The following FBXL18 variants were observed in gnomAD, a reference collection of about 807,000 sequenced individuals.
FBXL18 encodes the protein F-box/LRR-repeat protein 18.
FBXL18 carries 36 observed loss-of-function variants against 46.0 expected under a neutral mutation model. The ratio of observed to expected loss-of-function variants is 0.78; its 90% confidence interval spans 0.60 to 1.03. The LOEUF (loss-of-function observed/expected upper bound fraction) is 1.03. Ranked by LOEUF, FBXL18 falls within the 50% of genes least tolerant of loss-of-function variation. The pLI, the probability that FBXL18 is intolerant of heterozygous loss-of-function variation, is 0.00. For missense variants in FBXL18, 977 were observed against 1,004.1 expected (o/e 0.97, Z 0.36); for synonymous variants, 557 against 465.3 (o/e 1.20, Z -2.54).
At chr7:5,497,242 G>T (rs954346992) in intron 3 of FBXL18, among the ~76,000 whole-genome samples, 7 of 152,024 alleles carry the variant, frequency 4.6e-5, no homozygotes, top group African/African-American at 1.4e-4. Flanking sequence ...CATGCATTTT[G>T]CGTCAAATTT....
rs150755488 is a variant in FBXL18, at chr7:5,457,834, C to T, written c.2001-9991G>A. ...AGGCCACGTTATGGCGGAAGGCCAT[C>T]CCTATCGCTGTGCCTGGCTGGCCTG... On this transcript the variant is annotated intron_variant and NMD_transcript_variant, in intron 4 of 6. Transcript: ENST00000415009. Among the ~76,000 whole-genome samples, 677 of 152,240 alleles carry T rather than the reference C, an allele frequency of 4.4e-3. 6 individuals are homozygous for T. The highest frequency in any genetic ancestry group is 0.014 in the Middle Eastern group (4 of 294).
chr7:5,470,671 C>A (rs935121347), intron 4 of FBXL18, among the ~76,000 whole-genome samples: 3 of 152,142 alleles, frequency 2.0e-5, no homozygotes, highest in Non-Finnish European at 4.4e-5. Flanking sequence ...CTCCGACCCC[C>A]GGCCCAGAGG....
intron 3 of FBXL18, among the ~76,000 whole-genome samples, chr7:5,498,555 C>A (rs1784145955): frequency 1.3e-5 from 2 of 152,116 alleles, no homozygotes; most frequent in Admixed American, 6.6e-5. Context: ...ACGCCCGGCC[C>A]ATTTGGGGTA....
chr7:5,505,336 C>T, intron 2 of FBXL18, 76 bp downstream of exon 2: 3 of 1,344,680 alleles, frequency 2.2e-6, no homozygotes, highest in Non-Finnish European at 3.1e-6. Flanking sequence ...CACAGGGTTC[C>T]ACTGCAGGGC....
rs905910403 is a variant in FBXL18 at position 5,462,811 on chromosome 7, T to C, written c.2001-14968A>G. ...CTAAAAATACAAAAAATTAGCCAGG[T>C]GTGGTGGCGGGCGCCTATAGTCCCA... On this transcript the variant is annotated intron_variant and NMD_transcript_variant, in intron 4 of 6. Coordinates refer to the FBXL18 transcript ENST00000415009. 6.0e-5 allele frequency among the ~76,000 whole-genome samples: 9 copies of C among 149,354 alleles called. No individual in the cohort carries two copies. In the South Asian group the frequency reaches 1.5e-3, roughly 25 times the overall value.
At chr7:5,505,722 T>C (rs921843103) in intron 1 of FBXL18, 92 bp from the exon 2 acceptor site, 15 of 1,049,306 alleles carry the variant, frequency 1.4e-5, no homozygotes, top group Non-Finnish European at 1.7e-5. Context: ...GAGAAGCCCT[T>C]ATCCATGGGA....
At chr7:5,454,511 A>T (rs1490979048) in intron 4 of FBXL18, among the ~76,000 whole-genome samples, 2 of 152,204 alleles carry the variant, frequency 1.3e-5, no homozygotes, top group African/African-American at 2.4e-5. Context: ...CACGTGAGTA[A>T]ATGATCTTGT....
At chr7:5,460,966 G>A (rs977931323) in intron 4 of FBXL18, among the ~76,000 whole-genome samples, 13 of 152,204 alleles carry the variant, frequency 8.5e-5, no homozygotes, top group African/African-American at 3.1e-4. Context: ...TGGGAAACAG[G>A]GCTGAGAGTC....
intron 4 of FBXL18, among the ~76,000 whole-genome samples, chr7:5,460,392 A>G (rs895938852): frequency 2.0e-5 from 3 of 152,184 alleles, no homozygotes; most frequent in African/African-American, 4.8e-5. Context: ...CAGAGATACC[A>G]TGAGTCTGTC....
At position 5,468,354 on chromosome 7, in the gene FBXL18, T is replaced by C. The variant is rs566897684; in HGVS notation, c.2001-20511A>G. 5.3e-5 allele frequency among the ~76,000 whole-genome samples: 8 copies of C among 152,260 alleles called. No individual in the cohort carries two copies. The South Asian group carries it at 1.2e-3, about 24-fold the overall frequency. ...GGATGGCCTCGATCTCCTGACCTCA[T>C]GATCTGCCCGCCTTGGCCTCCCAAA... On this transcript the variant is annotated intron_variant and NMD_transcript_variant, in intron 4 of 6. Transcript: ENST00000415009.
In FBXL18 at chr7:5,482,118, G is replaced by A. The variant is rs565379468; in HGVS notation, c.2001-187C>T. ...AAGGGCCCTGTACGTGGCAGACAGA[G>A]CTGGGGAGGAGCACGGCAGCCGGGA... On this transcript the variant is annotated intron_variant, in intron 4 of 4. Coordinates refer to ENST00000382368, the MANE Select transcript of FBXL18 (RefSeq NM_024963.6). 4.6e-5 allele frequency among the ~76,000 whole-genome samples: 7 copies of A among 152,342 alleles called. No homozygotes were observed. The South Asian group carries it at 1.0e-3, about 23-fold the overall frequency.
At position 5,513,783 on chromosome 7, in the gene FBXL18, G is replaced by A. The variant is rs1387652136; in HGVS notation, c.-109C>T. On this transcript the variant is annotated 5_prime_UTR_variant, in exon 1 of 5. Coordinates refer to ENST00000382368, the MANE Select transcript of FBXL18 (RefSeq NM_024963.6). ...GCGTCCACCGCTCAACCGAGACCCC[G>A]GCAAGGAGCGGGCTCTCGTCACTTC... The A allele has an allele frequency of 6.2e-6, 9 of 1,446,900 alleles. No individual in the cohort carries two copies. The East Asian group carries it at 1.5e-4, about 24-fold the overall frequency. 89.6% of individuals were successfully genotyped at this position (1,446,900 alleles called of 1,614,324 possible).
rs751552520 is a variant in FBXL18 at position 5,501,582 on chromosome 7, G to C, written c.687C>G (p.Asn229Lys). 1 of 1,613,926 alleles carries C rather than the reference G, an allele frequency of 6.2e-7. No homozygotes were observed. The highest frequency in any genetic ancestry group is 1.7e-5 in the Admixed American group (1 of 60,024). Reference protein sequence around the residue: ...VGQSNVPHYQNLRVFYARLAP... With the variant: ...VGQSNVPHYQKLRVFYARLAP... ...CCAGGCGCGCATAGAAGACCCGCAG[G>C]TTCTGGTAGTGCGGCACGTTGCTCT... is the stretch of plus-strand genomic sequence containing the variant. The change falls in exon 3 of 5, where the codon AAC (asparagine) becomes AAG (lysine). Residue 229 changes from asparagine (N) to lysine (K), a missense_variant. Physicochemically the swap from Asn to Lys is moderately conservative, Grantham distance 94. Coordinates refer to ENST00000382368, the MANE Select transcript of FBXL18 (RefSeq NM_024963.6).
rs1784096387 is a variant in FBXL18, at chr7:5,496,953, T to A, written c.1781+3535A>T. The stretch of plus-strand genomic sequence containing the variant: ...GGCTGAGACAGGAGAATCGCTTGAA[T>A]CCAGGAGGCAGAGGTTGCAGTGAGC... On this transcript the variant is annotated intron_variant, in intron 3 of 4. Coordinates refer to ENST00000382368, the MANE Select transcript of FBXL18 (RefSeq NM_024963.6). This position sits in a 1 kb window ranked among gnomAD's most constrained non-coding sequence, Gnocchi z 4.8. Among the ~76,000 whole-genome samples the A allele has an allele frequency of 6.9e-6, 1 of 145,478 alleles. No homozygotes were observed. Among genetic ancestry groups the A allele is most frequent in the South Asian group, 2.2e-4 (1 of 4,594 alleles).
rs1783161733 is a variant in FBXL18 at position 5,455,630 on chromosome 7, C to T, written c.2001-7787G>A. ...GCGCCAAGTCGGTCCTGAGAAGATCCTCCGGGATTGCTGACCATCCACTTC... is the reference window on the plus strand; with the variant it reads ...GCGCCAAGTCGGTCCTGAGAAGATCTTCCGGGATTGCTGACCATCCACTTC... On this transcript the variant is annotated intron_variant and NMD_transcript_variant, in intron 4 of 6. Transcript: ENST00000415009. This position sits in a 1 kb window ranked among gnomAD's most constrained non-coding sequence, Gnocchi z 4.6. Among the ~76,000 whole-genome samples the T allele has an allele frequency of 2.0e-5, 3 of 152,068 alleles. No homozygotes were observed. The highest frequency in any genetic ancestry group is 2.0e-4 in the Admixed American group (3 of 15,262).
rs1365435279 is a variant in FBXL18 at position 5,455,280 on chromosome 7, C to T, written c.2001-7437G>A. ...TATCTGGGGAGCAGTATCGGGAGCA[C>T]CTGCAGGGAGTATTCTCGGGCATAT... On this transcript the variant is annotated intron_variant and NMD_transcript_variant, in intron 4 of 6. Transcript: ENST00000415009. This position sits in a 1 kb window ranked among gnomAD's most constrained non-coding sequence, Gnocchi z 4.6. Among the ~76,000 whole-genome samples the T allele has an allele frequency of 2.6e-5, 4 of 152,036 alleles. No homozygotes were observed. The highest frequency in any genetic ancestry group is 7.2e-5 in the African/African-American group (3 of 41,472).
At chr7:5,511,635 G>T (rs1233957139) in intron 1 of FBXL18, among the ~76,000 whole-genome samples, 2 of 151,510 alleles carry the variant, frequency 1.3e-5, no homozygotes, top group Non-Finnish European at 2.9e-5. Context: ...AGGTGTGGTG[G>T]TGGGCGCCTG....
At chr7:5,467,244 G>A (rs919942400) in intron 4 of FBXL18, among the ~76,000 whole-genome samples, 3 of 152,142 alleles carry the variant, frequency 2.0e-5, no homozygotes, top group Admixed American at 6.6e-5. Flanking sequence ...CCAGCTGCTC[G>A]GGAGGCTGAG....
chr7:5,509,198 A>G (rs1784467779), intron 1 of FBXL18, among the ~76,000 whole-genome samples: 1 of 151,770 alleles, frequency 6.6e-6, no homozygotes, highest in Non-Finnish European at 1.5e-5. Context: ...GTCTCAAAAA[A>G]AAAAAAAAAA....
Sources: allele counts gnomAD v4.1 joint callset (sites outside exome capture counted in the v4.1 genomes callset), GRCh38; gene constraint gnomAD v4.1.1; non-coding constraint Gnocchi (gnomAD v3.1); transcripts MANE v1.5; gene names NCBI Gene and HGNC (gene_info 2026-07-23, HGNC 2026-07-21).